The following ZNF804B variants were observed in gnomAD, a reference collection of about 807,000 sequenced individuals.
The protein encoded by ZNF804B is zinc finger protein 804B.
A neutral mutation model predicts 101.4 loss-of-function variants in ZNF804B; 80 were observed. The observed-to-expected ratio is 0.79, with a 90% CI of 0.66 to 0.95. ZNF804B has a LOEUF of 0.95. ZNF804B is among the 40% of genes least tolerant of loss of function. ZNF804B has a pLI of 0.00. For synonymous variants in ZNF804B, 622 were observed against 558.8 expected (o/e 1.11, Z -1.59); for missense variants, 1,673 against 1,561.9 (o/e 1.07, Z -1.20).
At chr7:89,167,681 T>TA (rs1791164928) in intron 1 of ZNF804B, among the ~76,000 whole-genome samples, 1 of 152,036 alleles carries the variant, frequency 6.6e-6, no homozygotes, top group African/African-American at 2.4e-5. Flanking sequence ...AATACTGCAG[T>TA]AAAAATGTCT....
intron 1 of ZNF804B, among the ~76,000 whole-genome samples, chr7:88,857,231 A>G (rs1791574237): frequency 6.6e-6 from 1 of 152,190 alleles, no homozygotes; most frequent in African/African-American, 2.4e-5. Context: ...CACATTCAAA[A>G]GCTAGCAGAA....
chr7:89,104,412 C>A (rs1790105228), intron 1 of ZNF804B, among the ~76,000 whole-genome samples: 2 of 151,892 alleles, frequency 1.3e-5, no homozygotes. Context: ...CAATGTTCTT[C>A]TTCATTATTG....
At chr7:88,820,719 C>T (rs1790964133) in intron 1 of ZNF804B, among the ~76,000 whole-genome samples, 1 of 152,070 alleles carries the variant, frequency 6.6e-6, no homozygotes, top group South Asian at 2.1e-4. Context: ...TTGCTGTTCT[C>T]ACTGCCTGCA....
chr7:89,133,765 C>T lies in ZNF804B; in HGVS notation c.109-84390C>T, dbSNP rs563037414. 3.3e-5 allele frequency among the ~76,000 whole-genome samples: 5 copies of T among 152,078 alleles called. No homozygotes were observed. In the South Asian group the frequency reaches 1.0e-3, roughly 32 times the overall value. Reference sequence around the variant, plus strand: ...ACTTCGGTAATATAAAAGGTTTCTACAAGGAAAATACTGCTAACAGTAAAC... The same window carrying T: ...ACTTCGGTAATATAAAAGGTTTCTATAAGGAAAATACTGCTAACAGTAAAC... On this transcript the variant is annotated intron_variant, in intron 1 of 3. Coordinates refer to ENST00000333190, the MANE Select transcript of ZNF804B (RefSeq NM_181646.5).
intron 1 of ZNF804B, among the ~76,000 whole-genome samples, chr7:88,860,482 C>A (rs1791629385): frequency 6.6e-6 from 1 of 151,962 alleles, no homozygotes; most frequent in Admixed American, 6.6e-5. Flanking sequence ...AAATTTCTGG[C>A]TTCAGTAAGT....
chr7:88,932,853 C>A (rs1792908769), intron 1 of ZNF804B, among the ~76,000 whole-genome samples: 2 of 151,460 alleles, frequency 1.3e-5, no homozygotes, highest in Non-Finnish European at 3.0e-5. Context: ...TTTTCAAATT[C>A]TCAAAGAAGA....
intron 1 of ZNF804B, among the ~76,000 whole-genome samples, chr7:88,887,725 A>G (rs1450147999): frequency 1.3e-5 from 2 of 151,388 alleles, no homozygotes; most frequent in Admixed American, 6.6e-5. Flanking sequence ...CAAAGTGTTA[A>G]AATAAGCTCT....
At chr7:88,861,953 G>C (rs867945711) in intron 1 of ZNF804B, among the ~76,000 whole-genome samples, 11 of 152,264 alleles carry the variant, frequency 7.2e-5, no homozygotes, top group African/African-American at 2.6e-4. Flanking sequence ...TGAATGCTGT[G>C]TTGGGGCTGG....
rs143611363 is a variant in ZNF804B, at chr7:88,805,752, C to T, written c.108+45668C>T. On this transcript the variant is annotated intron_variant, in intron 1 of 3. Transcript: ENST00000333190. ...GGTATGGGAAGTATAGGCACCTGTC[C>T]TCCATCATCATCATGAATGCCTCTC... 5.3e-3 allele frequency among the ~76,000 whole-genome samples: 801 copies of T among 152,234 alleles called. 8 individuals are homozygous for T. Among genetic ancestry groups the T allele is most frequent in the Non-Finnish European group, 7.6e-3 (518 of 68,018 alleles).
At chr7:89,079,579 T>C (rs970069376) in intron 1 of ZNF804B, among the ~76,000 whole-genome samples, 4 of 152,040 alleles carry the variant, frequency 2.6e-5, no homozygotes, top group Non-Finnish European at 2.9e-5. Flanking sequence ...TCTGCCTTTA[T>C]GAAGCTCACA....
At chr7:89,210,687 A>G (rs569448131) in intron 1 of ZNF804B, among the ~76,000 whole-genome samples, 2 of 152,234 alleles carry the variant, frequency 1.3e-5, no homozygotes, top group Admixed American at 6.5e-5. Context: ...ATTCATTTTC[A>G]TGGCTGCATA....
chr7:89,212,608 A>C (rs34993605), intron 1 of ZNF804B, among the ~76,000 whole-genome samples: 18,569 of 152,168 alleles, frequency 0.12, 1,216 homozygotes, highest in Middle Eastern at 0.25. Context: ...GAAAAGTGCT[A>C]CTACAAAACA....
chr7:89,165,508 A>G (rs987301267), intron 1 of ZNF804B, among the ~76,000 whole-genome samples: 6 of 152,128 alleles, frequency 3.9e-5, no homozygotes, highest in African/African-American at 1.2e-4. Flanking sequence ...ATTTGTCAAA[A>G]AATGTATATA....
At chr7:88,797,552 G>A (rs1270610424) in intron 1 of ZNF804B, among the ~76,000 whole-genome samples, 1 of 152,086 alleles carries the variant, frequency 6.6e-6, no homozygotes, top group African/African-American at 2.4e-5. Flanking sequence ...AGAGAACATG[G>A]GGACAGGCAA....
At chr7:89,268,516 G>T (rs7796431) in intron 2 of ZNF804B, among the ~76,000 whole-genome samples, 42,859 of 151,360 alleles carry the variant, frequency 0.28, 6,254 homozygotes, top group South Asian at 0.34. Context: ...ACAGTCTGCA[G>T]TCTTCATTCT....
At chr7:89,225,471 C>T (rs933948132) in intron 2 of ZNF804B, among the ~76,000 whole-genome samples, 1 of 152,084 alleles carries the variant, frequency 6.6e-6, no homozygotes, top group African/African-American at 2.4e-5. Flanking sequence ...GTTCTATTAG[C>T]CACTGTGTCT....
At chr7:89,296,470 C>A (rs534748896) in intron 2 of ZNF804B, among the ~76,000 whole-genome samples, 2 of 151,990 alleles carry the variant, frequency 1.3e-5, no homozygotes, top group East Asian at 3.9e-4. Context: ...GGACAGAACT[C>A]CTTCTACTTT....
rs17398847 is a variant in ZNF804B, at chr7:89,146,556, A to G, written c.109-71599A>G. Among the ~76,000 whole-genome samples the G allele has an allele frequency of 9.6e-3, 1,456 of 152,202 alleles. 23 individuals are homozygous for G. Among genetic ancestry groups the G allele is most frequent in the South Asian group, 0.021 (102 of 4,824 alleles). On this transcript the variant is annotated intron_variant, in intron 1 of 3. Coordinates refer to ENST00000333190, the MANE Select transcript of ZNF804B (RefSeq NM_181646.5). The stretch of plus-strand genomic sequence containing the variant: ...TCTTCCTAAAATCTTTCAGATAAAT[A>G]GAAAACTCTCAAAATGATCAACCTT...
In ZNF804B at chr7:88,830,525, T is replaced by C. The variant is rs148987786; in HGVS notation, c.108+70441T>C. 8.6e-3 allele frequency among the ~76,000 whole-genome samples: 1,309 copies of C among 152,122 alleles called. 15 individuals carry two copies. Among genetic ancestry groups the C allele is most frequent in the Middle Eastern group, 0.024 (7 of 294 alleles). On this transcript the variant is annotated intron_variant, in intron 1 of 3. Coordinates refer to ENST00000333190, the MANE Select transcript of ZNF804B (RefSeq NM_181646.5). ...TATACTCAAAATGTTAACACACCCTTACATCTTTTTTTAAACTTTTATTTT... is the reference window on the plus strand; with the variant it reads ...TATACTCAAAATGTTAACACACCCTCACATCTTTTTTTAAACTTTTATTTT...
Sources: gnomAD v4.1 joint callset for allele counts (sites outside exome capture counted in the v4.1 genomes callset) on GRCh38, gnomAD v4.1.1 for gene constraint, MANE v1.5 for transcripts, NCBI Gene and HGNC (gene_info 2026-07-23, HGNC 2026-07-21) for gene names.